USP50: variants seen among roughly 807,000 people sequenced by gnomAD.
USP50 encodes ubiquitin carboxyl-terminal hydrolase 50.
Under a neutral mutation model 39.2 loss-of-function variants are expected in USP50, and 37 were observed. The observed-to-expected ratio is 0.94, with a 90% CI of 0.73 to 1.24. USP50 has a LOEUF of 1.24. USP50 is among the 50% of genes most tolerant of loss of function. The probability of loss-of-function intolerance (pLI) is 0.00; values close to 1 mark genes in which losing one functional copy is unlikely to be tolerated. For synonymous variants in USP50, 139 were observed against 144.5 expected (o/e 0.96, Z 0.27); for missense variants, 374 against 398.2 (o/e 0.94, Z 0.52).
chr15:50,537,900 GA>G (rs1243883769), intron 5 of USP50, among the ~76,000 whole-genome samples: 2 of 56,776 alleles, frequency 3.5e-5, no homozygotes, highest in African/African-American at 1.2e-4. Context: ...GGAGGGGAGG[GA>G]AGGGGAGGGA....
At chr15:50,515,461 C>T (rs868124371) in intron 6 of USP50, among the ~76,000 whole-genome samples, 7 of 151,878 alleles carry the variant, frequency 4.6e-5, no homozygotes, top group African/African-American at 1.7e-4. Flanking sequence ...AGGCTGGTCT[C>T]GAACTCCTGA....
intron 6 of USP50, chr15:50,505,637 A>G (rs547946053): frequency 2.6e-5 from 4 of 152,346 alleles, no homozygotes; most frequent in African/African-American, 9.6e-5. Flanking sequence ...GAAAACCATG[A>G]TAATGTCTCC....
chr15:50,508,834 TAA>T (rs35117732), intron 6 of USP50: 8 of 144,206 alleles, frequency 5.5e-5, no homozygotes, highest in Admixed American at 6.9e-5. Flanking sequence ...CCCGTCTCTA[TAA>T]AAAAAAAAAG....
downstream of USP50, among the ~76,000 whole-genome samples, chr15:50,496,264 G>C (rs571414874): frequency 2.0e-5 from 3 of 151,974 alleles, no homozygotes; most frequent in African/African-American, 7.3e-5. Context: ...GGCGGATCAC[G>C]AGGTCAGGAG....
intron 6 of USP50, among the ~76,000 whole-genome samples, chr15:50,522,629 C>T (rs1005479084): frequency 2.0e-5 from 3 of 152,060 alleles, no homozygotes; most frequent in African/African-American, 7.2e-5. Flanking sequence ...AAATCCTCAA[C>T]AAAATAGTAG....
At chr15:50,496,681 C>G (rs987993006), downstream of USP50, among the ~76,000 whole-genome samples, 2 of 152,046 alleles carry the variant, frequency 1.3e-5, no homozygotes, top group Non-Finnish European at 2.9e-5. Flanking sequence ...TGTTGACTAA[C>G]TTAGGCCTAC....
In USP50 at chr15:50,541,188, G is replaced by A; in HGVS notation, c.521C>T (p.Thr174Ile). The stretch of plus-strand genomic sequence containing the variant: ...TTCAAACAGCTGGGTGATGATGGAT[G>A]TCTCAGTGGTAATCCACTTCCTGCA... ...RCCRKWITTETSIITQLFEEQ... is the reference protein window; with the variant it reads ...RCCRKWITTEISIITQLFEEQ... The change falls in exon 4 of 7, where the codon ACA becomes ATA. Residue 174 changes from threonine (T) to isoleucine (I), a missense_variant. Physicochemically the swap from Thr to Ile is moderately conservative, Grantham distance 89. Transcript: ENST00000532404. 6.2e-7 allele frequency: 1 copy of A among 1,613,944 alleles called. No homozygotes were observed.
At chr15:50,525,706 T>C (rs922931537) in intron 6 of USP50, among the ~76,000 whole-genome samples, 2 of 67,076 alleles carry the variant, frequency 3.0e-5, no homozygotes, top group African/African-American at 9.6e-5. Flanking sequence ...TGTATATATA[T>C]GTATATATGT....
chr15:50,543,797 G>A lies in USP50; in HGVS notation c.249-4C>T. 1.2e-6 allele frequency: 2 copies of A among 1,604,010 alleles called. No homozygotes were observed. The highest frequency in any genetic ancestry group is 1.1e-5 in the South Asian group (1 of 89,330). ...AGTGGCAACTTCACTGCAATCGCTT[G>A]GAAGAAGAAAGGGATATGTTTCTGG... On this transcript the variant is annotated splice_polypyrimidine_tract_variant and splice_region_variant and intron_variant, in intron 2 of 6. Transcript: ENST00000532404.
chr15:50,502,055 CAG>C (rs1298682771), intron 6 of USP50: 1 of 152,130 alleles, frequency 6.6e-6, no homozygotes, highest in African/African-American at 2.4e-5. Flanking sequence ...TGGCCTTTAA[CAG>C]AATAAGTTTG....
chr15:50,528,335 G>A (rs935659282), intron 6 of USP50, among the ~76,000 whole-genome samples: 1 of 151,508 alleles, frequency 6.6e-6, no homozygotes, highest in Admixed American at 6.6e-5. Flanking sequence ...GGAGTGCAGA[G>A]GAGCAATCAT....
Position 50,495,490 on chromosome 15 carries a change from G to GT in USP50, n.185-1361_185-1360insA, listed in dbSNP as rs1201952840. 3.4e-5 allele frequency among the ~76,000 whole-genome samples: 5 copies of GT among 149,188 alleles called. No homozygotes were observed. The South Asian group carries it at 8.6e-4, about 26-fold the overall frequency. ...TCTTTTTTTAGTAGAGATTGGAGGGGGGGGTCTCACTATGTTGCACAAGTT... is the reference window on the plus strand; with the variant it reads ...TCTTTTTTTAGTAGAGATTGGAGGGGTGGGGTCTCACTATGTTGCACAAGTT... On this transcript the variant is annotated intron_variant and non_coding_transcript_variant, in intron 1 of 1. Coordinates refer to the USP50 transcript ENST00000560159.
At position 50,494,046 on chromosome 15, in the gene USP50, T is replaced by G. The variant is rs750054346; in HGVS notation, n.269A>C. On this transcript the variant is annotated non_coding_transcript_exon_variant, in exon 2 of 2. Transcript: ENST00000560159. ...ACTTTTAAATTTCCTTTATTGTCTT[T>G]TGTAACAACTTTTATTTGCACAGGT... The G allele has an allele frequency of 6.3e-6, 10 of 1,592,222 alleles. No individual in the cohort carries two copies. The African/African-American group carries it at 1.2e-4, about 19-fold the overall frequency.
Position 50,538,711 on chromosome 15 carries a change from T to A in USP50, c.801A>T (p.Lys267Asn). ...KAPKIIIFHL[K>N]RFDIQGTTKR... Reference sequence around the variant, plus strand: ...CACAAAAATGTAAAAATCCATACCTTTTTAGGTGGAAAATAATTATTTTTG... The same window carrying A: ...CACAAAAATGTAAAAATCCATACCTATTTAGGTGGAAAATAATTATTTTTG... The change falls in exon 5 of 7, where the codon AAA (lysine) becomes AAT (asparagine). Residue 267 changes from lysine to asparagine, a missense_variant and splice_region_variant. Coordinates refer to ENST00000532404, the MANE Select transcript of USP50 (RefSeq NM_203494.5). 1 of 1,576,862 alleles carries A rather than the reference T, an allele frequency of 6.3e-7. No homozygotes were observed. The highest frequency in any genetic ancestry group is 1.2e-5 in the South Asian group (1 of 85,922).
At chr15:50,520,305 C>CTTTT (rs556404133) in intron 6 of USP50, among the ~76,000 whole-genome samples, 8 of 144,754 alleles carry the variant, frequency 5.5e-5, no homozygotes, top group African/African-American at 1.8e-4. Context: ...GAGAGAGACC[C>CTTTT]TTTTTTTTTT....
intron 6 of USP50, among the ~76,000 whole-genome samples, chr15:50,526,235 T>G (rs2052897796): frequency 6.6e-6 from 1 of 152,090 alleles, no homozygotes; most frequent in Admixed American, 6.6e-5. Context: ...ACTTCTGTAT[T>G]TTTTTGTAGA....
In USP50 at chr15:50,516,110, A is replaced by G. The variant is rs78395963; in HGVS notation, c.936+13687T>C. Among the ~76,000 whole-genome samples the G allele has an allele frequency of 8.3e-3, 1,263 of 152,292 alleles. 27 individuals carry two copies. The highest frequency in any genetic ancestry group is 0.029 in the African/African-American group (1,202 of 41,546). On this transcript the variant is annotated intron_variant, in intron 6 of 6. Transcript: ENST00000532404. ...GCCTGTAGTAAGTAAAAGATGTTTTATGTTATCCCCATGGTAACCACAAAG... is the reference window on the plus strand; with the variant it reads ...GCCTGTAGTAAGTAAAAGATGTTTTGTGTTATCCCCATGGTAACCACAAAG...
intron 6 of USP50, among the ~76,000 whole-genome samples, chr15:50,523,174 G>GATTT (rs1566906899): frequency 1.2e-5 from 1 of 83,966 alleles, no homozygotes; most frequent in African/African-American, 4.2e-5. Flanking sequence ...AAAATCAGTA[G>GATTT]CTTTTTTTTT....
chr15:50,516,473 C>G (rs954271458), intron 6 of USP50, among the ~76,000 whole-genome samples: 1 of 151,984 alleles, frequency 6.6e-6, no homozygotes, highest in African/African-American at 2.4e-5. Context: ...AAAAAGTAGC[C>G]GGGCGTGGTG....
Sources: gnomAD v4.1 joint callset for allele counts (sites outside exome capture counted in the v4.1 genomes callset) on GRCh38, gnomAD v4.1.1 for gene constraint, MANE v1.5 for transcripts, NCBI Gene and HGNC (gene_info 2026-07-23, HGNC 2026-07-21) for gene names.